PPP2R5A: variants seen among roughly 807,000 people sequenced by gnomAD.
PPP2R5A encodes the protein serine/threonine-protein phosphatase 2A 56 kDa regulatory subunit alpha isoform.
A neutral mutation model predicts 64.2 loss-of-function variants in PPP2R5A; 25 were observed. The observed-to-expected ratio is 0.39, with a 90% CI of 0.28 to 0.54. The LOEUF (loss-of-function observed/expected upper bound fraction) is 0.54. Among genes scored for constraint, PPP2R5A ranks in the 20% least tolerant of loss-of-function variants. PPP2R5A has a pLI of 0.67. For missense variants in PPP2R5A, 425 were observed against 576.3 expected (o/e 0.74, Z 2.69); for synonymous variants, 198 against 201.2 (o/e 0.98, Z 0.13).
chr1:212,329,391 A>G, intron 2 of PPP2R5A, 60 bp downstream of exon 2: 1 of 1,298,916 alleles, frequency 7.7e-7, no homozygotes, highest in Non-Finnish European at 1.0e-6. Context: ...AGGTATAATA[A>G]TGAATTGAGA....
chr1:212,329,048 T>C (rs1659455115), intron 1 of PPP2R5A, 87 bp from the exon 2 acceptor site: 1 of 1,016,618 alleles, frequency 9.8e-7, no homozygotes, highest in Admixed American at 3.6e-5. Context: ...GTTTTACATA[T>C]GTGAATAGCT....
intron 4 of PPP2R5A, among the ~76,000 whole-genome samples, chr1:212,345,097 C>T (rs553022059): frequency 1.3e-5 from 2 of 148,542 alleles, no homozygotes; most frequent in Admixed American, 6.8e-5. Flanking sequence ...CCCAGGAGGT[C>T]GAGGCTGCAG....
intron 1 of PPP2R5A, among the ~76,000 whole-genome samples, chr1:212,317,443 G>A (rs958797819): frequency 1.7e-5 from 1 of 60,332 alleles, no homozygotes; most frequent in African/African-American, 7.9e-5. Context: ...GCTGTGTAGT[G>A]TGGGATCCTG....
rs775343496 is a variant in PPP2R5A at position 212,357,300 on chromosome 1, A to G, written c.1226+16A>G. The G allele has an allele frequency of 1.3e-6, 2 of 1,534,114 alleles. No individual in the cohort carries two copies. Among genetic ancestry groups the G allele is most frequent in the Non-Finnish European group, 1.7e-6 (2 of 1,145,352 alleles). ...ACTGGAATCCGTAAGTATCTTTTAT[A>G]TAGGTCGTATTTTTTTCTTTTTTTT... On this transcript the variant is annotated intron_variant, in intron 11 of 12. Transcript: ENST00000261461.
chr1:212,356,721 C>A, intron 9 of PPP2R5A, 45 bp downstream of exon 9: 1 of 1,579,990 alleles, frequency 6.3e-7, no homozygotes, highest in South Asian at 1.1e-5. Context: ...TAGAACTTGT[C>A]AATCCCAGGG....
intron 1 of PPP2R5A, chr1:212,309,579 G>T: frequency 2.9e-6 from 2 of 690,004 alleles, no homozygotes; most frequent in South Asian, 3.3e-5. Context: ...CATATATAAT[G>T]ACTACTTTAA....
At position 212,357,291 on chromosome 1, in the gene PPP2R5A, A is replaced by G; in HGVS notation, c.1226+7A>G. Reference sequence around the variant, plus strand: ...CCAAAGAACACTGGAATCCGTAAGTATCTTTTATATAGGTCGTATTTTTTT... The same window carrying G: ...CCAAAGAACACTGGAATCCGTAAGTGTCTTTTATATAGGTCGTATTTTTTT... On this transcript the variant is annotated splice_region_variant and intron_variant, in intron 11 of 12. Transcript: ENST00000261461. The G allele has an allele frequency of 1.3e-6, 2 of 1,547,086 alleles. No homozygotes were observed. Among genetic ancestry groups the G allele is most frequent in the Non-Finnish European group, 1.7e-6 (2 of 1,154,090 alleles).
chr1:212,344,820 G>A (rs1234125262), intron 4 of PPP2R5A, among the ~76,000 whole-genome samples: 1 of 152,148 alleles, frequency 6.6e-6, no homozygotes, highest in East Asian at 1.9e-4. Context: ...AGGTATAGGA[G>A]AGTGCTGACT....
At chr1:212,352,508 A>G (rs917641212) in intron 8 of PPP2R5A, among the ~76,000 whole-genome samples, 3 of 151,308 alleles carry the variant, frequency 2.0e-5, no homozygotes, top group Admixed American at 1.3e-4. Context: ...GGAGTGCAGT[A>G]GTACGATTGT....
chr1:212,286,789 C>T (rs766153245), intron 1 of PPP2R5A, among the ~76,000 whole-genome samples: 1 of 152,104 alleles, frequency 6.6e-6, no homozygotes, highest in Non-Finnish European at 1.5e-5. Context: ...ATTGATTGCC[C>T]CTAAGAGTCA....
intron 1 of PPP2R5A, among the ~76,000 whole-genome samples, 154 bp from the exon 2 acceptor site, chr1:212,328,981 A>G (rs1659454122): frequency 6.6e-6 from 1 of 152,134 alleles, no homozygotes; most frequent in Non-Finnish European, 1.5e-5. Flanking sequence ...GTCCAGTATA[A>G]ATCCCTGAAT....
chr1:212,296,507 G>T (rs1300146945), intron 1 of PPP2R5A, among the ~76,000 whole-genome samples: 1 of 152,148 alleles, frequency 6.6e-6, no homozygotes. Flanking sequence ...TTAGTCTCCT[G>T]GCCAAATTGG....
Position 212,321,807 on chromosome 1 carries a change from A to G in PPP2R5A, c.182-7328A>G, listed in dbSNP as rs940081756. Among the ~76,000 whole-genome samples the G allele has an allele frequency of 4.0e-5, 6 of 151,456 alleles. No individual in the cohort carries two copies. The South Asian group carries it at 8.4e-4, about 21-fold the overall frequency. On this transcript the variant is annotated intron_variant, in intron 1 of 12. Transcript: ENST00000261461. ...GGGTGGCCGCCGGGCAGAGGCTGCA[A>G]TCTCGGCACTTTGCGGGGCCAAGGC... is the stretch of plus-strand genomic sequence containing the variant.
chr1:212,287,900 A>C (rs1451777580), intron 1 of PPP2R5A, among the ~76,000 whole-genome samples: 1 of 152,160 alleles, frequency 6.6e-6, no homozygotes. Context: ...GCTTTTTAGT[A>C]AGATATTCTA....
intron 3 of PPP2R5A, among the ~76,000 whole-genome samples, chr1:212,337,656 T>C (rs188525199): frequency 6.7e-4 from 102 of 152,284 alleles, no homozygotes; most frequent in African/African-American, 2.4e-3. Flanking sequence ...GGTTGAGAAA[T>C]ACTTTCATTG....
chr1:212,322,220 GGGAGA>G (rs1659315009), intron 1 of PPP2R5A, among the ~76,000 whole-genome samples: 1 of 93,816 alleles, frequency 1.1e-5, no homozygotes, highest in African/African-American at 8.4e-5. Context: ...GGAGACTGTG[GGGAGA>G]GGGAGAGGGA....
chr1:212,345,230 C>CT (rs1025783996), intron 4 of PPP2R5A, among the ~76,000 whole-genome samples: 32 of 150,800 alleles, frequency 2.1e-4, no homozygotes, highest in Admixed American at 1.5e-3. Context: ...GATTTCTACT[C>CT]TATTAGTATG....
intron 1 of PPP2R5A, among the ~76,000 whole-genome samples, chr1:212,314,272 T>C (rs114324280): frequency 2.0e-5 from 3 of 152,328 alleles, no homozygotes; most frequent in Non-Finnish European, 4.4e-5. Context: ...CCTCTAGTTT[T>C]CTAGTCCTTT....
intron 2 of PPP2R5A, among the ~76,000 whole-genome samples, chr1:212,329,854 C>G (rs1007157823): frequency 1.3e-5 from 2 of 152,092 alleles, no homozygotes; most frequent in African/African-American, 2.4e-5. Flanking sequence ...CCATCTTGGC[C>G]AGGCTGGTCT....
Sources: allele counts gnomAD v4.1 joint callset (sites outside exome capture counted in the v4.1 genomes callset), GRCh38; gene constraint gnomAD v4.1.1; transcripts MANE v1.5; gene names NCBI Gene and HGNC (gene_info 2026-07-23, HGNC 2026-07-21).